The following YTHDF3 variants were observed in gnomAD, a reference collection of about 807,000 sequenced individuals.
The protein encoded by YTHDF3 is YTH N6-methyladenosine RNA binding protein F3.
In YTHDF3, 9 loss-of-function variants were observed where a neutral mutation model predicts 52.5. That is an observed-to-expected ratio of 0.17 (90% CI 0.10 to 0.30). YTHDF3 has a LOEUF of 0.30. YTHDF3 is among the 10% of genes least tolerant of loss of function. YTHDF3 has a pLI of 1.00. For missense variants in YTHDF3, 534 were observed against 715.0 expected (o/e 0.75, Z 2.89); for synonymous variants, 274 against 243.3 (o/e 1.13, Z -1.18).
chr8:63,191,959 A>G (rs566054643), intron 4 of YTHDF3, among the ~76,000 whole-genome samples: 2 of 152,316 alleles, frequency 1.3e-5, no homozygotes, highest in Admixed American at 6.5e-5. Flanking sequence ...TAAGGCTCCT[A>G]TAAGAATTTG....
In YTHDF3 at chr8:63,211,288, G is replaced by A. The variant is rs1475072565; in HGVS notation, c.*1582G>A. 4 of 152,414 alleles carry A rather than the reference G, an allele frequency of 2.6e-5. No individual in the cohort carries two copies. The South Asian group carries it at 8.3e-4, about 32-fold the overall frequency. The allele number at this position is 152,414 out of a possible 1,614,324, so 9.4% of individuals were successfully genotyped here. On this transcript the variant is annotated 3_prime_UTR_variant, in exon 5 of 5. Transcript: ENST00000539294. ...TACACAGTTCTTCGGTAGTCCCAGTGTAGTTATATCAGTGTTTACTGAAGG... is the reference window on the plus strand; with the variant it reads ...TACACAGTTCTTCGGTAGTCCCAGTATAGTTATATCAGTGTTTACTGAAGG...
chr8:63,184,750 T>G (rs1435609253), intron 3 of YTHDF3, among the ~76,000 whole-genome samples: 1 of 152,244 alleles, frequency 6.6e-6, no homozygotes, highest in Non-Finnish European at 1.5e-5. Context: ...GCCTTCAAAA[T>G]GGTATTGACC....
chr8:63,184,422 T>G (rs1808366301), intron 3 of YTHDF3, among the ~76,000 whole-genome samples: 1 of 152,236 alleles, frequency 6.6e-6, no homozygotes, highest in Admixed American at 6.5e-5. Flanking sequence ...TTAAGTTATT[T>G]TAGTCATATC....
chr8:63,176,088 CTG>C (rs1807671349), intron 3 of YTHDF3, among the ~76,000 whole-genome samples: 1 of 152,104 alleles, frequency 6.6e-6, no homozygotes, highest in South Asian at 2.1e-4. Flanking sequence ...TATTAGGTAT[CTG>C]TATGCCATTT....
chr8:63,205,688 C>CCT (rs1376390488), intron 4 of YTHDF3, among the ~76,000 whole-genome samples: 3 of 152,272 alleles, frequency 2.0e-5, no homozygotes, highest in Admixed American at 2.0e-4. Flanking sequence ...CCTGCCTTGG[C>CCT]CTCTCTAAGT....
chr8:63,176,215 T>G (rs1362404800), intron 3 of YTHDF3, among the ~76,000 whole-genome samples: 2 of 152,208 alleles, frequency 1.3e-5, no homozygotes, highest in Non-Finnish European at 2.9e-5. Context: ...TGAAACTGTT[T>G]GTTTTGCTTT....
chr8:63,190,878 C>T (rs781629033), intron 4 of YTHDF3, among the ~76,000 whole-genome samples: 5 of 152,128 alleles, frequency 3.3e-5, no homozygotes, highest in South Asian at 4.1e-4. Flanking sequence ...TCTTTTGTCA[C>T]GTTGCTGCCA....
At chr8:63,179,932 C>T (rs1807976322) in intron 3 of YTHDF3, among the ~76,000 whole-genome samples, 1 of 144,332 alleles carries the variant, frequency 6.9e-6, no homozygotes, top group Non-Finnish European at 1.5e-5. Flanking sequence ...CGGGCAGAGG[C>T]ACCCCTCACC....
In YTHDF3 at chr8:63,168,723, C is replaced by G; in HGVS notation, c.-155C>G. The G allele has an allele frequency of 6.9e-7, 1 of 1,455,834 alleles. No individual in the cohort carries two copies. The highest frequency in any genetic ancestry group is 9.3e-7 in the Non-Finnish European group (1 of 1,070,494). The allele number at this position is 1,455,834 out of a possible 1,614,324, so 90.2% of individuals were successfully genotyped here. On this transcript the variant is annotated 5_prime_UTR_variant, in exon 1 of 5. Transcript: ENST00000539294. ...AAGACGGGCCTCTTCCTCCGACTCC[C>G]GAGCGCGAGGCCCTCATTTTGGGTT...
chr8:63,180,077 C>A (rs1235220685), intron 3 of YTHDF3, among the ~76,000 whole-genome samples: 1 of 110,860 alleles, frequency 9.0e-6, no homozygotes, highest in South Asian at 3.9e-4. Context: ...GGGGGCTGAC[C>A]CCCCCCACCT....
At chr8:63,196,903 A>ACAACCC (rs1447703507) in intron 4 of YTHDF3, among the ~76,000 whole-genome samples, 4 of 152,198 alleles carry the variant, frequency 2.6e-5, no homozygotes, top group Admixed American at 2.6e-4. Flanking sequence ...AGAAAGAACA[A>ACAACCC]CAACCCGTAG....
chr8:63,177,051 G>C (rs1807740546), intron 3 of YTHDF3, among the ~76,000 whole-genome samples: 1 of 152,194 alleles, frequency 6.6e-6, no homozygotes. Context: ...GAGTAAATTG[G>C]AAAACTGAAT....
intron 4 of YTHDF3, among the ~76,000 whole-genome samples, chr8:63,192,816 C>CT (rs35989091): frequency 0.035 from 4,814 of 136,608 alleles, 180 homozygotes; most frequent in African/African-American, 0.098. Context: ...CTACTTATGC[C>CT]TTTTTTTTTT....
At chr8:63,169,727 C>T (rs1807161264) in intron 2 of YTHDF3, among the ~76,000 whole-genome samples, 1 of 152,192 alleles carries the variant, frequency 6.6e-6, no homozygotes, top group Non-Finnish European at 1.5e-5. Flanking sequence ...CAAAAAATTT[C>T]TACATGTGTA....
At chr8:63,185,904 C>A (rs1420336900) in intron 3 of YTHDF3, among the ~76,000 whole-genome samples, 1 of 152,220 alleles carries the variant, frequency 6.6e-6, no homozygotes, top group East Asian at 1.9e-4. Context: ...CATTATACCC[C>A]CACTCTCATC....
rs1807063614 is a variant in YTHDF3, at chr8:63,168,779, GAACA to G, written c.-97_-94del. 4 of 1,546,598 alleles carry G rather than the reference GAACA, an allele frequency of 2.6e-6. No individual in the cohort carries two copies. In the South Asian group the frequency reaches 4.8e-5, roughly 18 times the overall value. Reference sequence around the variant, plus strand: ...CGAACGGCGGCAGCGGCGGCGGCTGGAACAATCACTCGGCCAAGGGCGACAGCCA... The same window carrying G: ...CGAACGGCGGCAGCGGCGGCGGCTGGATCACTCGGCCAAGGGCGACAGCCA... On this transcript the variant is annotated 5_prime_UTR_variant, in exon 1 of 5. Coordinates refer to ENST00000539294, the MANE Select transcript of YTHDF3 (RefSeq NM_152758.6).
At chr8:63,176,583 C>T (rs951170938) in intron 3 of YTHDF3, among the ~76,000 whole-genome samples, 13 of 151,298 alleles carry the variant, frequency 8.6e-5, no homozygotes, top group African/African-American at 3.2e-4. Flanking sequence ...CCCAGCCCAC[C>T]TCTGTAGTTC....
At chr8:63,204,804 TA>T (rs1299830974) in intron 4 of YTHDF3, among the ~76,000 whole-genome samples, 1 of 152,234 alleles carries the variant, frequency 6.6e-6, no homozygotes, top group East Asian at 1.9e-4. Flanking sequence ...GCCTTTTAGA[TA>T]CACAGTGACT....
intron 2 of YTHDF3, among the ~76,000 whole-genome samples, chr8:63,173,200 A>ATT (rs1563391630): frequency 6.3e-5 from 9 of 143,316 alleles, no homozygotes; most frequent in African/African-American, 2.6e-4. Context: ...ACAGGATTAT[A>ATT]TTTATATATA....
Sources: gnomAD v4.1 joint callset for allele counts (sites outside exome capture counted in the v4.1 genomes callset) on GRCh38, gnomAD v4.1.1 for gene constraint, MANE v1.5 for transcripts, NCBI Gene and HGNC (gene_info 2026-07-23, HGNC 2026-07-21) for gene names.